The following DOK6 variants were observed in gnomAD, a reference collection of about 807,000 sequenced individuals.
DOK6 encodes the protein docking protein 6, also known as downstream of tyrosine kinase 6.
In DOK6, 22 loss-of-function variants were observed where a neutral mutation model predicts 44.0. That is an observed-to-expected ratio of 0.50 (90% CI 0.36 to 0.71). The LOEUF is 0.71. Among genes scored for constraint, DOK6 ranks in the 30% least tolerant of loss-of-function variants. DOK6 has a pLI of 0.00. For synonymous variants in DOK6, 166 were observed against 145.5 expected (o/e 1.14, Z -1.01); for missense variants, 340 against 416.4 (o/e 0.82, Z 1.60).
At chr18:69,679,945 C>T (rs1224832968) in intron 4 of DOK6, among the ~76,000 whole-genome samples, 1 of 152,026 alleles carries the variant, frequency 6.6e-6, no homozygotes, top group South Asian at 2.1e-4. Flanking sequence ...AACACATACA[C>T]ACACACACAC....
At chr18:69,435,038 G>GGACGGAAGGAAGGAAGGAAA (rs1978930935) in intron 1 of DOK6, among the ~76,000 whole-genome samples, 2 of 52,072 alleles carry the variant, frequency 3.8e-5, no homozygotes, top group Non-Finnish European at 9.3e-5. Flanking sequence ...AAGGAAGGAA[G>GGACGGAAGGAAGGAAGGAAA]GAAGGAAGGA....
In DOK6 at chr18:69,708,169, T is replaced by C. The variant is rs1013854628; in HGVS notation, c.599+9576T>C. On this transcript the variant is annotated intron_variant, in intron 5 of 7. Transcript: ENST00000382713. ...CAGGCAGCAAGGAGTTGTTTTTTAA[T>C]GTAGCAAGTAAACAGATTTAAATTT... Among the ~76,000 whole-genome samples the C allele has an allele frequency of 8.5e-5, 13 of 152,318 alleles. No individual in the cohort carries two copies. In the East Asian group the frequency reaches 1.5e-3, roughly 18 times the overall value.
At position 69,834,365 on chromosome 18, in the gene DOK6, G is replaced by GAGGCTTGGAAGGGAAAGTGGAAGA. The variant is rs777505526; in HGVS notation, c.857-6875_857-6852dup. On this transcript the variant is annotated intron_variant, in intron 7 of 7. Transcript: ENST00000382713. ...ATAGAGAGTAGAACGGTGGTTTCCA[G>GAGGCTTGGAAGGGAAAGTGGAAGA]AGGCTTGGAAGGGAAAGTGGAAGAA... Among the ~76,000 whole-genome samples the GAGGCTTGGAAGGGAAAGTGGAAGA allele has an allele frequency of 3.0e-3, 458 of 152,324 alleles. 1 individual carries two copies. The highest frequency in any genetic ancestry group is 5.5e-3 in the Non-Finnish European group (372 of 68,028).
At chr18:69,459,230 TGTGA>T (rs1490215693) in intron 1 of DOK6, among the ~76,000 whole-genome samples, 1 of 140,938 alleles carries the variant, frequency 7.1e-6, no homozygotes, top group Non-Finnish European at 1.5e-5. Context: ...TGTGTGTGTG[TGTGA>T]AGGTGCCACG....
At chr18:69,782,625 G>A (rs1186879121) in intron 7 of DOK6, among the ~76,000 whole-genome samples, 1 of 151,756 alleles carries the variant, frequency 6.6e-6, no homozygotes, top group Non-Finnish European at 1.5e-5. Flanking sequence ...CAAGACAGGT[G>A]CAGTGGCTCA....
At chr18:69,681,027 A>C (rs1986032072) in intron 4 of DOK6, among the ~76,000 whole-genome samples, 1 of 152,202 alleles carries the variant, frequency 6.6e-6, no homozygotes, top group Non-Finnish European at 1.5e-5. Flanking sequence ...ATATATATAG[A>C]TTGAATAATC....
At chr18:69,554,249 A>C (rs1463648776) in intron 1 of DOK6, among the ~76,000 whole-genome samples, 2 of 152,174 alleles carry the variant, frequency 1.3e-5, no homozygotes, top group African/African-American at 4.8e-5. Flanking sequence ...AGCCAAAAAG[A>C]AACCCCAATC....
chr18:69,549,614 T>C (rs528728950), intron 1 of DOK6, among the ~76,000 whole-genome samples: 1 of 151,748 alleles, frequency 6.6e-6, no homozygotes, highest in African/African-American at 2.4e-5. Context: ...TACACACTTT[T>C]TGGTGGCAAT....
intron 4 of DOK6, among the ~76,000 whole-genome samples, chr18:69,690,534 TA>T (rs1305653082): frequency 1.3e-5 from 2 of 152,236 alleles, no homozygotes; most frequent in African/African-American, 2.4e-5. Context: ...AATAATCGTC[TA>T]TTATAGAAAT....
intron 1 of DOK6, among the ~76,000 whole-genome samples, chr18:69,473,202 T>G (rs1274348789): frequency 6.6e-6 from 1 of 152,184 alleles, no homozygotes; most frequent in South Asian, 2.1e-4. Context: ...AAGTAAAATA[T>G]AGGAATACTG....
chr18:69,789,511 TAAAAC>T (rs1053543605), intron 7 of DOK6, among the ~76,000 whole-genome samples: 2 of 151,954 alleles, frequency 1.3e-5, no homozygotes, highest in Non-Finnish European at 2.9e-5. Context: ...ATTCAACAAA[TAAAAC>T]TAAAATTATC....
chr18:69,708,863 C>T (rs544601631), intron 5 of DOK6, among the ~76,000 whole-genome samples: 6 of 150,988 alleles, frequency 4.0e-5, no homozygotes, highest in Admixed American at 6.6e-5. Context: ...TGATTAAATT[C>T]GGCAAACACC....
chr18:69,461,387 T>C (rs1277092754), intron 1 of DOK6, among the ~76,000 whole-genome samples: 1 of 152,116 alleles, frequency 6.6e-6, no homozygotes, highest in East Asian at 1.9e-4. Context: ...TCACCTCACC[T>C]CCCACTCCAC....
intron 6 of DOK6, among the ~76,000 whole-genome samples, chr18:69,755,322 TA>T (rs898970078): frequency 6.6e-6 from 1 of 151,626 alleles, no homozygotes; most frequent in South Asian, 2.1e-4. Flanking sequence ...TCTCCCAGAA[TA>T]AAAAAAAGAG....
At chr18:69,665,748 G>A (rs1310129782) in intron 3 of DOK6, among the ~76,000 whole-genome samples, 1 of 151,830 alleles carries the variant, frequency 6.6e-6, no homozygotes, top group Non-Finnish European at 1.5e-5. Context: ...GCAGTTTTGT[G>A]ATCTATTTGA....
intron 7 of DOK6, among the ~76,000 whole-genome samples, chr18:69,802,339 G>A (rs1980928113): frequency 6.6e-6 from 1 of 152,150 alleles, no homozygotes; most frequent in Non-Finnish European, 1.5e-5. Flanking sequence ...CTCCTTGACT[G>A]ATAATGGAGC....
intron 6 of DOK6, among the ~76,000 whole-genome samples, chr18:69,748,228 C>T (rs139996775): frequency 1.7e-3 from 260 of 152,074 alleles, no homozygotes; most frequent in African/African-American, 5.7e-3. Flanking sequence ...ATACAGGGCA[C>T]CCAGATTCAT....
chr18:69,550,492 G>A (rs1982533770), intron 1 of DOK6, among the ~76,000 whole-genome samples: 1 of 151,748 alleles, frequency 6.6e-6, no homozygotes, highest in South Asian at 2.1e-4. Context: ...AGATTCCCTG[G>A]GTAAACAACA....
chr18:69,598,446 T>C (rs1983798162), intron 2 of DOK6, among the ~76,000 whole-genome samples: 1 of 151,978 alleles, frequency 6.6e-6, no homozygotes, highest in Non-Finnish European at 1.5e-5. Context: ...ATTATAGATA[T>C]AATATCATAG....
Sources: gnomAD v4.1 joint callset for allele counts (sites outside exome capture counted in the v4.1 genomes callset) on GRCh38, gnomAD v4.1.1 for gene constraint, MANE v1.5 for transcripts, NCBI Gene and HGNC (gene_info 2026-07-23, HGNC 2026-07-21) for gene names.